ACAD10: variants seen among roughly 807,000 people sequenced by gnomAD.
The protein encoded by ACAD10 is ACAD-10.
ACAD10 carries 112 observed loss-of-function variants against 116.8 expected under a neutral mutation model. The observed-to-expected ratio is 0.96, with a 90% confidence interval of 0.82 to 1.12. The LOEUF (loss-of-function observed/expected upper bound fraction) is 1.12. Among genes scored for constraint, ACAD10 ranks in the 50% most tolerant of loss-of-function variants. The probability of loss-of-function intolerance (pLI) is 0.00; values close to 1 mark genes in which losing one functional copy is unlikely to be tolerated. For missense variants in ACAD10, 1,259 were observed against 1,350.2 expected (o/e 0.93, Z 1.06); for synonymous variants, 486 against 510.6 (o/e 0.95, Z 0.65).
At chr12:111,696,655 G>A (rs1458046414) in intron 2 of ACAD10, among the ~76,000 whole-genome samples, 1 of 152,152 alleles carries the variant, frequency 6.6e-6, no homozygotes, top group Non-Finnish European at 1.5e-5. Flanking sequence ...GATTTAAGCT[G>A]TTAGTTTACT....
intron 6 of ACAD10, among the ~76,000 whole-genome samples, chr12:111,715,009 G>A (rs1888800919): frequency 1.3e-5 from 2 of 152,078 alleles, no homozygotes; most frequent in Admixed American, 1.3e-4. Flanking sequence ...TCCGCACCTG[G>A]CCAAAGAAGA....
At chr12:111,686,723 AAGAG>A (rs756472606) in intron 1 of ACAD10, among the ~76,000 whole-genome samples, 2 of 152,220 alleles carry the variant, frequency 1.3e-5, no homozygotes, top group African/African-American at 2.4e-5. Context: ...TCTCAAAAAA[AAGAG>A]AGAAAAGATG....
chr12:111,692,420 C>T (rs1888076881), intron 1 of ACAD10, among the ~76,000 whole-genome samples: 1 of 152,158 alleles, frequency 6.6e-6, no homozygotes. Flanking sequence ...AGGAGAAAGA[C>T]TTGACAGCAC....
At chr12:111,686,565 A>C (rs1189711566) in intron 1 of ACAD10, among the ~76,000 whole-genome samples, 1 of 152,188 alleles carries the variant, frequency 6.6e-6, no homozygotes, top group African/African-American at 2.4e-5. Context: ...ACATACAAAA[A>C]ATTAGCCGGG....
chr12:111,693,157 G>A (rs760780421), intron 2 of ACAD10: 24 of 476,064 alleles, frequency 5.0e-5, no homozygotes, highest in African/African-American at 9.8e-5. Context: ...AGAGTTATCC[G>A]TGGGAAGCAC....
intron 2 of ACAD10, among the ~76,000 whole-genome samples, chr12:111,695,009 CA>C (rs1888156424): frequency 2.0e-5 from 3 of 152,178 alleles, no homozygotes. Context: ...GCCTGGGTGA[CA>C]AAGTGAGACC....
Position 111,702,235 on chromosome 12 carries a change from C to T in ACAD10, c.261C>T (p.Pro87=), listed in dbSNP as rs373265451. 4 of 1,613,966 alleles carry T rather than the reference C, an allele frequency of 2.5e-6. No homozygotes were observed. The highest frequency in any genetic ancestry group is 2.2e-5 in the East Asian group (1 of 44,896). Residue 87 remains proline (P), a synonymous_variant, in exon 3 of 21, where the codon CCC becomes CCT. Transcript: ENST00000313698. The part of the protein sequence containing the change: ...KALMEGGENG[P]WMRFMRAEIT... ...TGATGGAAGGTGGTGAAAATGGGCC[C>T]TGGATGAGATTTATGAGAGCAGAAA...
intron 12 of ACAD10, among the ~76,000 whole-genome samples, chr12:111,738,554 C>T (rs1234639350): frequency 6.7e-6 from 1 of 149,188 alleles, no homozygotes; most frequent in African/African-American, 2.5e-5. Flanking sequence ...ATGGATGAAA[C>T]ACATCAGGTA....
intron 8 of ACAD10, among the ~76,000 whole-genome samples, chr12:111,723,479 G>A (rs1376859637): frequency 1.2e-4 from 12 of 100,522 alleles, no homozygotes; most frequent in Admixed American, 2.0e-4. Flanking sequence ...TGACCCCCCC[G>A]CCTCCCTCCC....
At chr12:111,737,841 G>GGTGT (rs150399090) in intron 12 of ACAD10, among the ~76,000 whole-genome samples, 2,192 of 146,446 alleles carry the variant, frequency 0.015, 31 homozygotes, top group African/African-American at 0.039. Context: ...CAAATTTCTT[G>GGTGT]GTGTGTGTGT....
At chr12:111,703,236 T>A (rs1236826411) in intron 3 of ACAD10, among the ~76,000 whole-genome samples, 2 of 152,108 alleles carry the variant, frequency 1.3e-5, no homozygotes, top group African/African-American at 4.8e-5. Flanking sequence ...CACTGTGCCC[T>A]TTCCAGGCCT....
At chr12:111,688,710 C>T (rs1390505231) in intron 1 of ACAD10, among the ~76,000 whole-genome samples, 3 of 151,416 alleles carry the variant, frequency 2.0e-5, no homozygotes, top group African/African-American at 7.3e-5. Context: ...GAGGCTGAGG[C>T]AAGAGAATAG....
In ACAD10 at chr12:111,705,856, C is replaced by T. The variant is rs1349155438; in HGVS notation, c.455C>T (p.Thr152Ile). Reference sequence around the variant, plus strand: ...CAAATTCGGGCAAAAGGTCTTCAGACTGCAGTCTTGAGCAATAATTTTTAT... The same window carrying T: ...CAAATTCGGGCAAAAGGTCTTCAGATTGCAGTCTTGAGCAATAATTTTTAT... ...ITQIRAKGLQ[T>I]AVLSNNFYLP... The change falls in exon 4 of 21, where the codon ACT (threonine) becomes ATT (isoleucine). Residue 152 changes from threonine to isoleucine, a missense_variant. By Grantham distance (89) the Thr-to-Ile change is moderately conservative (BLOSUM62 -1). Transcript: ENST00000313698. 2 of 1,614,056 alleles carry T rather than the reference C, an allele frequency of 1.2e-6. No homozygotes were observed. Among genetic ancestry groups the T allele is most frequent in the African/African-American group, 2.7e-5 (2 of 74,918 alleles).
intron 12 of ACAD10, among the ~76,000 whole-genome samples, chr12:111,738,079 A>C (rs947344815): frequency 6.6e-6 from 1 of 151,134 alleles, no homozygotes; most frequent in African/African-American, 2.4e-5. Context: ...CTGGTTTCGA[A>C]CTCCTGACCT....
chr12:111,747,820 C>T (rs1424238100), intron 16 of ACAD10: 6 of 944,450 alleles, frequency 6.4e-6, no homozygotes, highest in African/African-American at 1.8e-5. Context: ...GTGGAGCTTA[C>T]CTCCCGGAGC....
At chr12:111,692,217 C>T (rs561199665) in intron 1 of ACAD10, among the ~76,000 whole-genome samples, 1 of 152,350 alleles carries the variant, frequency 6.6e-6, no homozygotes, top group Admixed American at 6.5e-5. Context: ...ATCCACCCGC[C>T]TTGGCCTCCC....
chr12:111,747,048 G>C lies in ACAD10; in HGVS notation c.2257-1G>C. 1.3e-6 allele frequency: 2 copies of C among 1,586,560 alleles called. No individual in the cohort carries two copies. Among genetic ancestry groups the C allele is most frequent in the South Asian group, 2.3e-5 (2 of 87,894 alleles). On this transcript the variant is annotated splice_acceptor_variant, in intron 14 of 20. Coordinates refer to ENST00000313698, the MANE Select transcript of ACAD10 (RefSeq NM_025247.6). LOFTEE classifies it high-confidence loss of function. ...ATGGTCACGCTCCTTTTCCTTCTCA[G>C]GTATGTAACTGCTCTGCGCCTGACA...
intron 8 of ACAD10, among the ~76,000 whole-genome samples, chr12:111,726,027 A>T (rs1889203672): frequency 6.6e-6 from 1 of 151,740 alleles, no homozygotes; most frequent in Non-Finnish European, 1.5e-5. Flanking sequence ...GCTGAGGCAG[A>T]TGGATCACTT....
rs189840823 is a variant in ACAD10 at position 111,736,132 on chromosome 12, C to T, written c.1541-699C>T. Among the ~76,000 whole-genome samples the T allele has an allele frequency of 4.5e-4, 68 of 150,840 alleles. No individual in the cohort carries two copies. In the Admixed American group the frequency reaches 4.5e-3, roughly 10 times the overall value. ...CTGACCTCAAATGATCTGCCCTCCT[C>T]GGCCTCCTAAAGTGCTGGGATTAGA... On this transcript the variant is annotated intron_variant, in intron 11 of 20. Coordinates refer to ENST00000313698, the MANE Select transcript of ACAD10 (RefSeq NM_025247.6).
Sources: allele counts gnomAD v4.1 joint callset (sites outside exome capture counted in the v4.1 genomes callset), GRCh38; gene constraint gnomAD v4.1.1; transcripts MANE v1.5; gene names NCBI Gene and HGNC (gene_info 2026-07-23, HGNC 2026-07-21).